The following ADGRV1 variants were observed in gnomAD, a reference collection of about 807,000 sequenced individuals.
The protein encoded by ADGRV1 is adhesion G protein-coupled receptor V1.
In ADGRV1, 359 loss-of-function variants were observed where a neutral mutation model predicts 596.2. That is an observed-to-expected ratio of 0.60 (90% confidence interval 0.55 to 0.66). The LOEUF is 0.66. Among genes scored for constraint, ADGRV1 ranks in the 30% least tolerant of loss-of-function variants. The pLI is 0.00. For synonymous variants in ADGRV1, 2,681 were observed against 2,679.2 expected (o/e 1.00, Z -0.02); for missense variants, 7,274 against 7,575.6 (o/e 0.96, Z 1.48).
intron 87 of ADGRV1, among the ~76,000 whole-genome samples, chr5:91,134,319 C>G (rs1389245458): frequency 6.6e-6 from 1 of 152,054 alleles, no homozygotes; most frequent in Non-Finnish European, 1.5e-5. Flanking sequence ...TCCCAGGTAG[C>G]TGGGATTATA....
At chr5:90,743,344 G>A (rs1754200661) in intron 50 of ADGRV1, among the ~76,000 whole-genome samples, 1 of 152,218 alleles carries the variant, frequency 6.6e-6, no homozygotes, top group East Asian at 1.9e-4. Context: ...CACGAACAGT[G>A]GTTCTTGATA....
chr5:90,977,140 G>A (rs1433030642), intron 84 of ADGRV1, among the ~76,000 whole-genome samples: 4 of 152,076 alleles, frequency 2.6e-5, no homozygotes, highest in South Asian at 2.1e-4. Context: ...GGACATCAAA[G>A]GTATTAAGGA....
chr5:91,163,648 T>C (rs778770700), intron 89 of ADGRV1, 134 bp from the exon 90 acceptor site: 15 of 505,610 alleles, frequency 3.0e-5, no homozygotes, highest in Non-Finnish European at 5.3e-5. Context: ...ATTAATAATA[T>C]CTATTCTAAA....
In ADGRV1 at chr5:90,756,671, T is replaced by G. The variant is rs1471586294; in HGVS notation, c.11757+41T>G. ...ATTTGTTTACAGTCATACAGAGGCC[T>G]CTCCCTGCTGATTTGGCCAGTGTTT... On this transcript the variant is annotated intron_variant, in intron 56 of 89. Transcript: ENST00000405460. 8 of 1,519,300 alleles carry G rather than the reference T, an allele frequency of 5.3e-6. No individual in the cohort carries two copies. In the Admixed American group the frequency reaches 1.4e-4, roughly 27 times the overall value. The allele number at this position is 1,519,300 out of a possible 1,614,324, so 94.1% of individuals were successfully genotyped here.
At chr5:91,141,833 C>A (rs909703031) in intron 87 of ADGRV1, among the ~76,000 whole-genome samples, 1 of 152,152 alleles carries the variant, frequency 6.6e-6, no homozygotes, top group Non-Finnish European at 1.5e-5. Flanking sequence ...AAGGGGACAG[C>A]AAAAGCAACA....
chr5:90,902,467 C>T (rs1771936771), intron 83 of ADGRV1, among the ~76,000 whole-genome samples: 1 of 152,110 alleles, frequency 6.6e-6, no homozygotes, highest in African/African-American at 2.4e-5. Flanking sequence ...TATGTTGCCT[C>T]CTTGCTGTGG....
Position 91,102,210 on chromosome 5 carries a change from T to TA in ADGRV1, c.18311-8dup. On this transcript the variant is annotated splice_polypyrimidine_tract_variant and intron_variant, in intron 86 of 89. Coordinates refer to ENST00000405460, the MANE Select transcript of ADGRV1 (RefSeq NM_032119.4). The stretch of plus-strand genomic sequence containing the variant: ...TGAAGCTCAAAAATTCTTTTTTTTT[T>TA]ATTTCTAGAAATTCCACTGATTTTA... 1 of 1,599,750 alleles carries TA rather than the reference T, an allele frequency of 6.3e-7. No individual in the cohort carries two copies. The highest frequency in any genetic ancestry group is 8.5e-7 in the Non-Finnish European group (1 of 1,172,408).
chr5:91,029,521 A>G (rs1562112716), intron 85 of ADGRV1, among the ~76,000 whole-genome samples: 1 of 152,202 alleles, frequency 6.6e-6, no homozygotes, highest in Non-Finnish European at 1.5e-5. Context: ...ATGTAGATAT[A>G]TCTTAAATAT....
intron 87 of ADGRV1, among the ~76,000 whole-genome samples, chr5:91,125,363 T>C (rs1196919016): frequency 6.6e-6 from 1 of 152,194 alleles, no homozygotes; most frequent in Non-Finnish European, 1.5e-5. Context: ...AAGTAGCTAT[T>C]ACTATTACTT....
chr5:90,766,471 A>G (rs1235311579), intron 59 of ADGRV1, among the ~76,000 whole-genome samples: 2 of 152,184 alleles, frequency 1.3e-5, no homozygotes, highest in Non-Finnish European at 2.9e-5. Context: ...GTGTAACATA[A>G]TAAGACAATG....
intron 83 of ADGRV1, among the ~76,000 whole-genome samples, chr5:90,918,511 T>C (rs1773588332): frequency 6.6e-6 from 1 of 152,224 alleles, no homozygotes; most frequent in Non-Finnish European, 1.5e-5. Context: ...GGAACAATTA[T>C]AGAATTTGAA....
intron 85 of ADGRV1, among the ~76,000 whole-genome samples, chr5:91,071,693 G>A (rs891207947): frequency 5.4e-5 from 8 of 149,272 alleles, no homozygotes; most frequent in Non-Finnish European, 1.0e-4. Context: ...ATTTTTTTTT[G>A]AGATGGAGTC....
chr5:90,791,538 G>A (rs1050054536), intron 70 of ADGRV1, 192 bp downstream of exon 70: 4 of 550,558 alleles, frequency 7.3e-6, no homozygotes, highest in African/African-American at 5.6e-5. Context: ...CTATTTGGAT[G>A]GAGATAATAG....
intron 1 of ADGRV1, among the ~76,000 whole-genome samples, chr5:90,573,623 T>G (rs1439369200): frequency 6.6e-6 from 1 of 152,186 alleles, no homozygotes; most frequent in Non-Finnish European, 1.5e-5. Context: ...CATCACTGAC[T>G]GAAACATCAT....
At chr5:90,928,642 A>G (rs1373347203) in intron 83 of ADGRV1, among the ~76,000 whole-genome samples, 1 of 150,626 alleles carries the variant, frequency 6.6e-6, no homozygotes, top group East Asian at 2.0e-4. Context: ...CGTGAAAGTC[A>G]TTCTCCATCC....
chr5:90,594,479 G>A (rs866355288), intron 1 of ADGRV1, among the ~76,000 whole-genome samples: 45 of 140,200 alleles, frequency 3.2e-4, no homozygotes, highest in African/African-American at 1.1e-3. Context: ...TCAGTCTCTG[G>A]CAGTTCTTTT....
chr5:90,841,391 A>G (rs1481713609), intron 78 of ADGRV1, among the ~76,000 whole-genome samples: 2 of 152,206 alleles, frequency 1.3e-5, no homozygotes, highest in African/African-American at 4.8e-5. Context: ...TCCAGTTTAA[A>G]TGCCATGGAA....
chr5:91,085,840 C>G (rs1316305059), intron 86 of ADGRV1, among the ~76,000 whole-genome samples: 4 of 152,176 alleles, frequency 2.6e-5, no homozygotes, highest in East Asian at 1.9e-4. Context: ...TGCCCTGCCT[C>G]TCTTCTTTCT....
chr5:90,747,614 C>A (rs1754770882), intron 52 of ADGRV1, among the ~76,000 whole-genome samples: 1 of 152,076 alleles, frequency 6.6e-6, no homozygotes, highest in South Asian at 2.1e-4. Context: ...GGGAAGCATA[C>A]TAGGGACTCA....
Sources: allele counts gnomAD v4.1 joint callset (sites outside exome capture counted in the v4.1 genomes callset), GRCh38; gene constraint gnomAD v4.1.1; transcripts MANE v1.5; gene names NCBI Gene and HGNC (gene_info 2026-07-23, HGNC 2026-07-21).